Variants in PTPRD observed in about 807,000 individuals in gnomAD.
PTPRD encodes the protein protein tyrosine phosphatase receptor type D.
In PTPRD, 34 loss-of-function variants were observed where a neutral mutation model predicts 214.5. The observed-to-expected ratio is 0.16, with a 90% CI of 0.12 to 0.21. PTPRD has a LOEUF of 0.21. Among genes scored for constraint, PTPRD ranks in the 10% least tolerant of loss-of-function variants. The probability of loss-of-function intolerance (pLI) is 1.00; values close to 1 mark genes in which losing one functional copy is unlikely to be tolerated. For missense variants in PTPRD, 2,545 were observed against 2,398.7 expected, an observed-to-expected ratio of 1.06 and a Z score of -1.27; for synonymous variants, 1,128 against 845.7, an observed-to-expected ratio of 1.33 and a Z score of -5.79.
intron 10 of PTPRD, among the ~76,000 whole-genome samples, chr9:9,157,171 A>G (rs2099881936): frequency 6.6e-6 from 1 of 152,234 alleles, no homozygotes; most frequent in Non-Finnish European, 1.5e-5. Flanking sequence ...TGCCTATGTC[A>G]GAAAAGACGA....
At chr9:10,324,768 T>C (rs2096614179) in intron 3 of PTPRD, among the ~76,000 whole-genome samples, 1 of 152,058 alleles carries the variant, frequency 6.6e-6, no homozygotes. Context: ...ATAACCTCTA[T>C]TCCAAGCTTT....
chr9:8,514,160 T>G (rs577309485), intron 21 of PTPRD, among the ~76,000 whole-genome samples: 2 of 152,226 alleles, frequency 1.3e-5, no homozygotes, highest in African/African-American at 4.8e-5. Context: ...TTCTGTCCAC[T>G]GGTCATATAA....
intron 2 of PTPRD, among the ~76,000 whole-genome samples, chr9:10,448,573 G>A (rs1461993259): frequency 1.3e-5 from 2 of 151,952 alleles, no homozygotes; most frequent in East Asian, 1.9e-4. Context: ...ATACCTTACC[G>A]GTAGTGGTTT....
rs1433802223 is a variant in PTPRD at position 9,135,454 on chromosome 9, C to T, written c.-143+47850G>A. ...GATTGAAGATGATGAGATCATTTTCCCTGTGATGGCTGCCACCAGGACTTC... is the reference window on the plus strand; with the variant it reads ...GATTGAAGATGATGAGATCATTTTCTCTGTGATGGCTGCCACCAGGACTTC... On this transcript the variant is annotated intron_variant, in intron 10 of 45. Transcript: ENST00000381196. Among the ~76,000 whole-genome samples the T allele has an allele frequency of 2.0e-5, 3 of 151,986 alleles. No homozygotes were observed. In the East Asian group the frequency reaches 5.8e-4, roughly 29 times the overall value.
At chr9:8,782,596 CTTTT>C (rs35513651) in intron 11 of PTPRD, among the ~76,000 whole-genome samples, 204 of 117,330 alleles carry the variant, frequency 1.7e-3, no homozygotes, top group African/African-American at 5.2e-3. Flanking sequence ...ATACTTAACG[CTTTT>C]TTTTTTTTTT....
rs193087838 is a variant in PTPRD at position 9,381,270 on chromosome 9, G to A, written c.-203+16179C>T. 4.1e-3 allele frequency among the ~76,000 whole-genome samples: 622 copies of A among 150,290 alleles called. 1 individual carries two copies. The highest frequency in any genetic ancestry group is 5.4e-3 in the Non-Finnish European group (363 of 67,598). ...TTGTCCAAGTTCTTTGTTCTCATTT[G>A]TGTCCTTCACTCTTTTACTGCCTTG... On this transcript the variant is annotated intron_variant, in intron 9 of 45. Coordinates refer to ENST00000381196, the MANE Select transcript of PTPRD (RefSeq NM_002839.4).
chr9:9,077,305 A>G (rs960183866), intron 10 of PTPRD, among the ~76,000 whole-genome samples: 2 of 151,932 alleles, frequency 1.3e-5, no homozygotes, highest in Admixed American at 6.6e-5. Context: ...TGGTTTTATT[A>G]ATGAAAAAAT....
intron 3 of PTPRD, among the ~76,000 whole-genome samples, chr9:10,315,193 C>A (rs16925800): frequency 0.05 from 7,540 of 151,776 alleles, 233 homozygotes; most frequent in South Asian, 0.13. Context: ...GCTTGTGTCA[C>A]TTTTATCATT....
chr9:9,114,077 C>T (rs550532665), intron 10 of PTPRD, among the ~76,000 whole-genome samples: 4 of 152,210 alleles, frequency 2.6e-5, no homozygotes, highest in Non-Finnish European at 5.9e-5. Flanking sequence ...AACAGAAGAG[C>T]TATAAACCAT....
chr9:9,871,457 G>A (rs545512007), intron 5 of PTPRD, among the ~76,000 whole-genome samples: 4 of 152,280 alleles, frequency 2.6e-5, no homozygotes, highest in African/African-American at 7.2e-5. Context: ...TTTAGTATAC[G>A]AAAGGATGGG....
At chr9:10,432,305 A>T in intron 2 of PTPRD, among the ~76,000 whole-genome samples, 1 of 81,556 alleles carries the variant, frequency 1.2e-5, no homozygotes. Context: ...GGGAGGGGGG[A>T]GGGATAGCAT....
intron 2 of PTPRD, among the ~76,000 whole-genome samples, chr9:10,577,857 A>G (rs2070018058): frequency 6.6e-6 from 1 of 152,104 alleles, no homozygotes; most frequent in African/African-American, 2.4e-5. Context: ...GTTCATGTTT[A>G]TAGTACAGGA....
At chr9:8,395,004 C>T (rs921798936) in intron 36 of PTPRD, among the ~76,000 whole-genome samples, 4 of 152,082 alleles carry the variant, frequency 2.6e-5, no homozygotes, top group Non-Finnish European at 5.9e-5. Flanking sequence ...CCAGTGGATG[C>T]GGCTGCACTA....
At chr9:8,964,456 G>GGCTC (rs2154323154) in intron 11 of PTPRD, among the ~76,000 whole-genome samples, 1 of 135,718 alleles carries the variant, frequency 7.4e-6, no homozygotes, top group Non-Finnish European at 1.7e-5. Flanking sequence ...TTTTGTCATT[G>GGCTC]TTAATCTAGT....
At chr9:8,507,504 T>C (rs1455067840) in intron 21 of PTPRD, 70 bp from the exon 22 acceptor site, 5 of 1,585,386 alleles carry the variant, frequency 3.2e-6, no homozygotes, top group Non-Finnish European at 4.3e-6. Flanking sequence ...TCCATTAGCG[T>C]AACCTGCTTA....
At chr9:10,344,577 G>T (rs973779892) in intron 2 of PTPRD, among the ~76,000 whole-genome samples, 7 of 152,138 alleles carry the variant, frequency 4.6e-5, no homozygotes, top group Non-Finnish European at 8.8e-5. Context: ...GAAAGTCTTT[G>T]GTAGCTTGAT....
At chr9:10,346,015 A>G (rs1349913545) in intron 2 of PTPRD, among the ~76,000 whole-genome samples, 2 of 152,140 alleles carry the variant, frequency 1.3e-5, no homozygotes, top group African/African-American at 4.8e-5. Flanking sequence ...AATAACCAAT[A>G]TCAATCATTT....
intron 7 of PTPRD, among the ~76,000 whole-genome samples, chr9:9,732,691 GC>G (rs1270274646): frequency 1.3e-5 from 2 of 152,140 alleles, no homozygotes; most frequent in Non-Finnish European, 2.9e-5. Flanking sequence ...CTTAAGCAAA[GC>G]TTTCCATTTG....
intron 39 of PTPRD, among the ~76,000 whole-genome samples, chr9:8,347,663 C>G (rs2074252934): frequency 6.6e-6 from 1 of 152,100 alleles, no homozygotes; most frequent in African/African-American, 2.4e-5. Context: ...GTATTGGACA[C>G]AGGGCCTTTA....
Sources: allele counts gnomAD v4.1 joint callset (sites outside exome capture counted in the v4.1 genomes callset), GRCh38; gene constraint gnomAD v4.1.1; transcripts MANE v1.5; gene names NCBI Gene and HGNC (gene_info 2026-07-23, HGNC 2026-07-21).